The following IL1RAPL2 variants were observed in gnomAD, a reference collection of about 807,000 sequenced individuals.
IL1RAPL2 encodes interleukin 1 receptor accessory protein like 2.
IL1RAPL2 carries 3 observed loss-of-function variants against 44.1 expected under a neutral mutation model. That is an observed-to-expected ratio of 0.07 (90% confidence interval 0.03 to 0.18). IL1RAPL2 has a LOEUF of 0.18. Ranked by LOEUF, IL1RAPL2 falls within the 10% of genes least tolerant of loss-of-function variation. The pLI, the probability that IL1RAPL2 is intolerant of heterozygous loss-of-function variation, is 1.00. For synonymous variants in IL1RAPL2, 181 were observed against 178.8 expected (o/e 1.01, Z -0.10); for missense variants, 391 against 496.4 (o/e 0.79, Z 2.02).
At chrX:104,892,612 T>C (rs576149252) in intron 2 of IL1RAPL2, among the ~76,000 whole-genome samples, 2 of 112,097 alleles carry the variant, frequency 1.8e-5, no homozygotes, top group South Asian at 3.7e-4. Context: ...GATGGTAGTT[T>C]GTATTTCTGT....
rs188406326 is a variant in IL1RAPL2, at chrX:105,201,516, A to G, written c.356+5768A>G. 9.6e-3 allele frequency among the ~76,000 whole-genome samples: 1,077 copies of G among 112,112 alleles called. 7 individuals are homozygous for G. The highest frequency in any genetic ancestry group is 0.015 in the Admixed American group (159 of 10,567). ...TATAAATACCTAGGTATCATATATAAGCGAGTATTTTTATTTCAGTCAACA... is the reference window on the plus strand; with the variant it reads ...TATAAATACCTAGGTATCATATATAGGCGAGTATTTTTATTTCAGTCAACA... On this transcript the variant is annotated intron_variant, in intron 3 of 10. Transcript: ENST00000372582.
At chrX:105,049,875 T>C (rs1054933360) in intron 2 of IL1RAPL2, among the ~76,000 whole-genome samples, 1 of 110,757 alleles carries the variant, frequency 9.0e-6, no homozygotes, top group Non-Finnish European at 1.9e-5. Context: ...TATAGGCCTG[T>C]GGAAGTACTT....
At chrX:104,790,429 A>G (rs972314318) in intron 2 of IL1RAPL2, among the ~76,000 whole-genome samples, 4 of 111,475 alleles carry the variant, frequency 3.6e-5, no homozygotes, top group Non-Finnish European at 7.5e-5. Context: ...AAGAGCATGA[A>G]GGGTGACGAG....
intron 2 of IL1RAPL2, among the ~76,000 whole-genome samples, chrX:104,840,854 T>TA (rs375093295): frequency 1.2e-3 from 137 of 109,712 alleles, no homozygotes; most frequent in African/African-American, 4.5e-3. Flanking sequence ...TTTATTTATT[T>TA]TTTTTTTGTA....
chrX:105,633,653 C>T (rs756532770), intron 6 of IL1RAPL2, among the ~76,000 whole-genome samples: 9 of 111,452 alleles, frequency 8.1e-5, no homozygotes, highest in East Asian at 2.8e-4. Context: ...TAAGGGTTCT[C>T]GCACCACTTC....
At position 105,202,114 on chromosome X, in the gene IL1RAPL2, A is replaced by C. The variant is rs781978214; in HGVS notation, c.356+6366A>C. Reference sequence around the variant, plus strand: ...ATTAGCATTAAATTAGATATGTTGTAATGTTTAGAAATATAACCATACTAT... The same window carrying C: ...ATTAGCATTAAATTAGATATGTTGTCATGTTTAGAAATATAACCATACTAT... On this transcript the variant is annotated intron_variant, in intron 3 of 10. Transcript: ENST00000372582. Among the ~76,000 whole-genome samples, 12 of 112,050 alleles carry C rather than the reference A, an allele frequency of 1.1e-4. No individual in the cohort carries two copies. The South Asian group carries it at 4.5e-3, about 42-fold the overall frequency.
chrX:105,618,401 C>T (rs1216721664), intron 6 of IL1RAPL2, among the ~76,000 whole-genome samples: 6 of 109,240 alleles, frequency 5.5e-5, no homozygotes, highest in Non-Finnish European at 1.1e-4. Flanking sequence ...ATATAACAAA[C>T]CTGTGCATGT....
Position 104,679,680 on chromosome X carries a change from T to A in IL1RAPL2, c.82+20685T>A, listed in dbSNP as rs561175106. ...ATCTACCACTTTGGATTTGGTGCCC[T>A]TTTTGCTGCTCTTGGTAAGAGCTTT... On this transcript the variant is annotated intron_variant, in intron 2 of 10. Coordinates refer to ENST00000372582, the MANE Select transcript of IL1RAPL2 (RefSeq NM_017416.2). Among the ~76,000 whole-genome samples, 22 of 112,016 alleles carry A rather than the reference T, an allele frequency of 2.0e-4. No homozygotes were observed. In the South Asian group the frequency reaches 8.0e-3, roughly 41 times the overall value.
chrX:104,913,466 T>C (rs1250839178), intron 2 of IL1RAPL2, among the ~76,000 whole-genome samples: 1 of 111,902 alleles, frequency 8.9e-6, no homozygotes, highest in South Asian at 3.7e-4. Context: ...ATGTTCTGTT[T>C]TGTTTGCTCT....
chrX:105,731,658 C>T (rs1471663695), intron 7 of IL1RAPL2, among the ~76,000 whole-genome samples: 1 of 110,950 alleles, frequency 9.0e-6, no homozygotes, highest in African/African-American at 3.3e-5. Context: ...ATGTCATTTG[C>T]AGCAACATGG....
intron 5 of IL1RAPL2, among the ~76,000 whole-genome samples, chrX:105,321,000 G>A (rs1365613947): frequency 9.0e-6 from 1 of 111,334 alleles, no homozygotes. Flanking sequence ...GACCAGCTCA[G>A]GTGCAGCCTC....
intron 2 of IL1RAPL2, among the ~76,000 whole-genome samples, chrX:104,842,149 T>G (rs936531602): frequency 9.1e-6 from 1 of 109,604 alleles, no homozygotes; most frequent in Non-Finnish European, 1.9e-5. Flanking sequence ...GTCTTCAATC[T>G]CTGATATCTT....
chrX:105,507,258 A>T (rs1602442660), intron 6 of IL1RAPL2, among the ~76,000 whole-genome samples: 1 of 112,004 alleles, frequency 8.9e-6, no homozygotes, highest in Non-Finnish European at 1.9e-5. Context: ...ACAAATAGCA[A>T]CATTTGGCTA....
At chrX:104,689,928 C>T (rs928185895) in intron 2 of IL1RAPL2, among the ~76,000 whole-genome samples, 1 of 112,130 alleles carries the variant, frequency 8.9e-6, no homozygotes, top group African/African-American at 3.2e-5. Flanking sequence ...TGACTTGGCT[C>T]ACTGTTCCCC....
chrX:104,677,678 G>C (rs952448513), intron 2 of IL1RAPL2, among the ~76,000 whole-genome samples: 2 of 112,415 alleles, frequency 1.8e-5, no homozygotes, highest in African/African-American at 6.5e-5. Context: ...AGGCAATGGC[G>C]GGCGCCCCTC....
At chrX:105,010,624 T>G (rs965317599) in intron 2 of IL1RAPL2, among the ~76,000 whole-genome samples, 5 of 111,737 alleles carry the variant, frequency 4.5e-5, no homozygotes, top group African/African-American at 1.6e-4. Context: ...TCACCCATTC[T>G]TATACCATCA....
chrX:105,577,083 G>A (rs983156458), intron 6 of IL1RAPL2, among the ~76,000 whole-genome samples: 5 of 111,457 alleles, frequency 4.5e-5, no homozygotes, highest in Admixed American at 1.9e-4. Context: ...AGACATGCAA[G>A]CCAAGTAAAA....
intron 2 of IL1RAPL2, among the ~76,000 whole-genome samples, chrX:104,891,788 CT>C (rs1923452863): frequency 9.0e-6 from 1 of 111,377 alleles, no homozygotes; most frequent in Non-Finnish European, 1.9e-5. Context: ...CCCTTTATTT[CT>C]TTCTCCTGCC....
chrX:105,099,455 T>C (rs2032643792), intron 2 of IL1RAPL2, among the ~76,000 whole-genome samples: 1 of 60,705 alleles, frequency 1.6e-5, no homozygotes, highest in South Asian at 9.1e-4. Flanking sequence ...GCCACATACT[T>C]TTTTTTTTTT....
Sources: allele counts gnomAD v4.1 joint callset (sites outside exome capture counted in the v4.1 genomes callset), GRCh38; gene constraint gnomAD v4.1.1; transcripts MANE v1.5; gene names NCBI Gene and HGNC (gene_info 2026-07-23, HGNC 2026-07-21).